The following RNF19A variants were observed in gnomAD, a reference collection of about 807,000 sequenced individuals.
RNF19A encodes E3 ubiquitin-protein ligase RNF19A.
Under a neutral mutation model 75.7 loss-of-function variants are expected in RNF19A, and 32 were observed. The observed-to-expected ratio is 0.42, with a 90% CI of 0.32 to 0.57. The LOEUF is 0.57. Ranked by LOEUF, RNF19A falls within the 20% of genes least tolerant of loss-of-function variation. The pLI is 0.10. For missense variants in RNF19A, 782 were observed against 1,036.3 expected (o/e 0.75, Z 3.37); for synonymous variants, 335 against 345.2 (o/e 0.97, Z 0.33).
chr8:100,316,935 GGGTCGGTGAGAAATCGAGC>G, intron 1 of RNF19A, among the ~76,000 whole-genome samples: 1 of 152,364 alleles, frequency 6.6e-6, no homozygotes, highest in Middle Eastern at 3.4e-3. Flanking sequence ...AGGCAGCTAA[GGGTCGGTGAGAAATCGAGC>G]GCAGCGCCGG....
At chr8:100,293,448 G>A (rs897021961) in intron 1 of RNF19A, among the ~76,000 whole-genome samples, 4 of 152,102 alleles carry the variant, frequency 2.6e-5, no homozygotes, top group African/African-American at 4.8e-5. Context: ...GGCCTCCATC[G>A]TTTCTGACAA....
intron 1 of RNF19A, among the ~76,000 whole-genome samples, chr8:100,297,709 GTTCT>G (rs1312080060): frequency 2.0e-5 from 3 of 152,196 alleles, no homozygotes; most frequent in Non-Finnish European, 4.4e-5. Flanking sequence ...ACTACACATG[GTTCT>G]TTGTGTGAGT....
At position 100,264,557 on chromosome 8, in the gene RNF19A, C is replaced by A. The variant is rs866391773; in HGVS notation, c.1306+114G>T. On this transcript the variant is annotated intron_variant, in intron 6 of 9. Coordinates refer to ENST00000341084, the MANE Select transcript of RNF19A (RefSeq NM_183419.4). The surrounding 1 kb of genome is among the most constrained non-coding windows in gnomAD (Gnocchi z 4.7). ...CTGTAATACTTTCAACCAAGACTTA[C>A]TGCAGGCTCAATTTAAATTGTCCTC... 11 of 713,778 alleles carry A rather than the reference C, an allele frequency of 1.5e-5. No individual in the cohort carries two copies. The highest frequency in any genetic ancestry group is 2.6e-5 in the Non-Finnish European group (11 of 422,372). 44.2% of individuals were successfully genotyped at this position (713,778 alleles called of 1,614,324 possible).
At chr8:100,270,120 G>A (rs1409803692) in intron 3 of RNF19A, 107 bp from the exon 4 acceptor site, 2 of 943,674 alleles carry the variant, frequency 2.1e-6, no homozygotes, top group Non-Finnish European at 2.9e-6. Context: ...GATGTAGTTT[G>A]TTAACTTATA....
chr8:100,303,493 G>A (rs1586679112), intron 1 of RNF19A: 2 of 152,204 alleles, frequency 1.3e-5, no homozygotes, highest in South Asian at 4.1e-4. Context: ...AGATTCTGGG[G>A]ATTAGGACAT....
intron 3 of RNF19A, among the ~76,000 whole-genome samples, chr8:100,270,691 T>TATA (rs1820214522): frequency 2.0e-5 from 3 of 152,128 alleles, no homozygotes; most frequent in Non-Finnish European, 4.4e-5. Flanking sequence ...GCTATGAACG[T>TATA]TATAAACCAT....
At chr8:100,291,469 A>C (rs1821291818) in intron 1 of RNF19A, among the ~76,000 whole-genome samples, 1 of 152,220 alleles carries the variant, frequency 6.6e-6, no homozygotes, top group African/African-American at 2.4e-5. Context: ...GTGCTTCAGG[A>C]TTCGTAAAAC....
chr8:100,292,547 A>G (rs1054423962), intron 1 of RNF19A, among the ~76,000 whole-genome samples: 5 of 152,118 alleles, frequency 3.3e-5, no homozygotes, highest in African/African-American at 1.2e-4. Flanking sequence ...TCAAATTCAC[A>G]TATCTTTCTG....
chr8:100,287,981 ATTC>A lies in RNF19A; in HGVS notation c.191_193del (p.Arg64del). On this transcript the variant is annotated inframe_deletion, in exon 2 of 10. Coordinates refer to ENST00000341084, the MANE Select transcript of RNF19A (RefSeq NM_183419.4). This position sits in a 1 kb window ranked among gnomAD's most constrained non-coding sequence, Gnocchi z 4.1. ...CCTCCGAAACAGGGAGCCTATTGAA[ATTC>A]TTCTTTTTTTGGGTGCCTTTTTGAC... The A allele has an allele frequency of 1.2e-6, 2 of 1,614,098 alleles. No individual in the cohort carries two copies. Among genetic ancestry groups the A allele is most frequent in the Non-Finnish European group, 1.7e-6 (2 of 1,180,008 alleles).
upstream of RNF19A, among the ~76,000 whole-genome samples, chr8:100,311,732 A>G (rs964708714): frequency 2.2e-4 from 33 of 149,574 alleles, no homozygotes; most frequent in African/African-American, 1.8e-4. Context: ...AAAAAAAAAA[A>G]AAAAAAAGAA....
At chr8:100,296,150 GC>G (rs1456136586) in intron 1 of RNF19A, among the ~76,000 whole-genome samples, 15 of 149,296 alleles carry the variant, frequency 1.0e-4, no homozygotes, top group Admixed American at 1.0e-3. Context: ...CTGTTGCTAG[GC>G]TAGAGTGCAG....
At position 100,269,008 on chromosome 8, in the gene RNF19A, CACTATA is replaced by C; in HGVS notation, c.1029-67_1029-62del. ...AAAACACCACAATAACAAATTAGTG[CACTATA>C]TTAAAACAATGACTATTTTTAAAAA... is the stretch of plus-strand genomic sequence containing the variant. On this transcript the variant is annotated intron_variant, in intron 4 of 9. Transcript: ENST00000341084. This position sits in a 1 kb window ranked among gnomAD's most constrained non-coding sequence, Gnocchi z 5.7. 1 of 1,377,924 alleles carries C rather than the reference CACTATA, an allele frequency of 7.3e-7. No homozygotes were observed. Among genetic ancestry groups the C allele is most frequent in the Non-Finnish European group, 9.9e-7 (1 of 1,014,760 alleles). The allele number at this position is 1,377,924 out of a possible 1,614,324, so 85.4% of individuals were successfully genotyped here. A position where few individuals can be genotyped will look rare whatever the true frequency, so the allele number is the denominator to read the frequency against.
At position 100,258,665 on chromosome 8, in the gene RNF19A, C is replaced by G; in HGVS notation, c.2408G>C (p.Gly803Ala). ...NHIAEEHGNN[G>A]IKPNVDLYFG... ...ATATAAATCAACATTAGGTTTTATT[C>G]CATTGTTACCATGTTCTTCAGCAAT... Residue 803 changes from glycine to alanine, a missense_variant, in exon 10 of 10, where the codon GGA becomes GCA. By Grantham distance (60) the Gly-to-Ala change is moderately conservative. Around this residue, in one of 7 missense-constraint regions of RNF19A, gnomAD observed 442 missense variants for 541.6 expected, o/e 0.82. Transcript: ENST00000341084. The surrounding 1 kb of genome is among the most constrained non-coding windows in gnomAD (Gnocchi z 4.3). 6.2e-7 allele frequency: 1 copy of G among 1,614,038 alleles called. No individual in the cohort carries two copies. The highest frequency in any genetic ancestry group is 8.5e-7 in the Non-Finnish European group (1 of 1,179,974).
intron 2 of RNF19A, among the ~76,000 whole-genome samples, chr8:100,281,671 AGAAT>A (rs1204381416): frequency 1.3e-5 from 2 of 152,252 alleles, no homozygotes; most frequent in South Asian, 2.1e-4. Flanking sequence ...CGATTAAAAG[AGAAT>A]GAAGAAAAAG....
At position 100,287,432 on chromosome 8, in the gene RNF19A, G is replaced by A; in HGVS notation, c.674+69C>T. The stretch of plus-strand genomic sequence containing the variant: ...CAGCATGTAAAAATTTTTCTTTTGA[G>A]TAATAGCAAATTATTTTATCCACAG... On this transcript the variant is annotated intron_variant, in intron 2 of 9. Transcript: ENST00000341084. This position sits in a 1 kb window ranked among gnomAD's most constrained non-coding sequence, Gnocchi z 4.1. 2.7e-6 allele frequency: 4 copies of A among 1,484,584 alleles called. No individual in the cohort carries two copies. In the South Asian group the frequency reaches 4.1e-5, roughly 15 times the overall value. 92.0% of individuals were successfully genotyped at this position (1,484,584 alleles called of 1,614,324 possible). A position where few individuals can be genotyped will look rare whatever the true frequency, so the allele number is the denominator to read the frequency against.
chr8:100,270,633 T>C (rs1190663906), intron 3 of RNF19A, among the ~76,000 whole-genome samples: 1 of 152,094 alleles, frequency 6.6e-6, no homozygotes, highest in African/African-American at 2.4e-5. Flanking sequence ...AAAGAATCAG[T>C]ACCCAAAATA....
chr8:100,277,319 T>TC (rs1015020869), intron 2 of RNF19A, among the ~76,000 whole-genome samples: 4 of 152,132 alleles, frequency 2.6e-5, no homozygotes, highest in Non-Finnish European at 5.9e-5. Flanking sequence ...AGTATCACAC[T>TC]CTTTTTTTTT....
At chr8:100,288,844 A>T (rs1209306323) in intron 1 of RNF19A, among the ~76,000 whole-genome samples, 1 of 152,014 alleles carries the variant, frequency 6.6e-6, no homozygotes, top group Admixed American at 6.5e-5. Context: ...GCGGATCACA[A>T]GTTCAGGAGA....
intron 1 of RNF19A, among the ~76,000 whole-genome samples, chr8:100,292,400 T>C (rs932059850): frequency 2.0e-5 from 3 of 150,742 alleles, no homozygotes; most frequent in African/African-American, 7.5e-5. Flanking sequence ...GTGTAAGACA[T>C]AGTTCTATTT....
Sources: allele counts gnomAD v4.1 joint callset (sites outside exome capture counted in the v4.1 genomes callset), GRCh38; gene constraint gnomAD v4.1.1; regional missense constraint gnomAD v4.1.1; non-coding constraint Gnocchi (gnomAD v3.1); transcripts MANE v1.5; gene names NCBI Gene and HGNC (gene_info 2026-07-23, HGNC 2026-07-21).